CALD1: variants seen among roughly 807,000 people sequenced by gnomAD.
The protein encoded by CALD1 is caldesmon 1, also known as caldesmon.
A neutral mutation model predicts 99.9 loss-of-function variants in CALD1; 33 were observed. The observed-to-expected ratio is 0.33, with a 90% CI of 0.25 to 0.44. CALD1 has a LOEUF of 0.44. Ranked by LOEUF, CALD1 falls within the 20% of genes least tolerant of loss-of-function variation. The probability of loss-of-function intolerance (pLI) is 1.00; values close to 1 mark genes in which losing one functional copy is unlikely to be tolerated. For synonymous variants in CALD1, 310 were observed against 325.0 expected, an observed-to-expected ratio of 0.95 and a Z score of 0.50; for missense variants, 861 against 962.1, an observed-to-expected ratio of 0.89 and a Z score of 1.39.
intron 2 of CALD1, among the ~76,000 whole-genome samples, chr7:134,855,626 G>A (rs553295154): frequency 1.6e-4 from 24 of 152,268 alleles, no homozygotes; most frequent in Non-Finnish European, 2.8e-4. Context: ...ATATACTTTT[G>A]GTAGGCCACA....
At position 134,783,385 on chromosome 7, in the gene CALD1, T is replaced by G. The variant is rs1236534309; in HGVS notation, c.-130+3636T>G. Reference sequence around the variant, plus strand: ...ACATTGACAATTTGCAGGGGCCAGCTCTAAGATGAGGCCCAGAGTACAGCA... The same window carrying G: ...ACATTGACAATTTGCAGGGGCCAGCGCTAAGATGAGGCCCAGAGTACAGCA... On this transcript the variant is annotated intron_variant, in intron 1 of 14. Coordinates refer to ENST00000361675, the MANE Select transcript of CALD1 (RefSeq NM_033138.4). This position sits in a 1 kb window ranked among gnomAD's most constrained non-coding sequence, Gnocchi z 4.3. 1.3e-5 allele frequency among the ~76,000 whole-genome samples: 2 copies of G among 152,148 alleles called. No individual in the cohort carries two copies. Among genetic ancestry groups the G allele is most frequent in the Admixed American group, 1.3e-4 (2 of 15,282 alleles).
chr7:134,922,925 A>T (rs7809057), intron 3 of CALD1, among the ~76,000 whole-genome samples: 1 of 151,910 alleles, frequency 6.6e-6, no homozygotes, highest in Non-Finnish European at 1.5e-5. Flanking sequence ...TTGCATATAT[A>T]TTTTTTTCTT....
intron 1 of CALD1, among the ~76,000 whole-genome samples, chr7:134,825,872 G>A (rs537964639): frequency 1.3e-5 from 2 of 152,074 alleles, no homozygotes; most frequent in South Asian, 2.1e-4. Context: ...TGGGTATGCC[G>A]GGGAGAAATA....
rs559607001 is a variant in CALD1, at chr7:134,891,390, G to C, written c.71+23586G>C. 222 of 1,268,232 alleles carry C rather than the reference G, an allele frequency of 1.8e-4. 1 individual carries two copies. In the African/African-American group the frequency reaches 2.8e-3, roughly 16 times the overall value. 78.6% of individuals were successfully genotyped at this position (1,268,232 alleles called of 1,614,324 possible). ...TAACAATCAGCTCTCTGATGATCCTGTGAGGAGGGAACGGGTTGGGAGGAG... is the reference window on the plus strand; with the variant it reads ...TAACAATCAGCTCTCTGATGATCCTCTGAGGAGGGAACGGGTTGGGAGGAG... On this transcript the variant is annotated intron_variant, in intron 3 of 14. Coordinates refer to ENST00000361675, the MANE Select transcript of CALD1 (RefSeq NM_033138.4).
rs1310091087 is a variant in CALD1, at chr7:134,894,811, G to A, written c.71+27007G>A. Reference sequence around the variant, plus strand: ...TCACTTGCGGTTTAATATTTTCACTGGTACTTTTATCATTTTCCCAAAGCC... The same window carrying A: ...TCACTTGCGGTTTAATATTTTCACTAGTACTTTTATCATTTTCCCAAAGCC... On this transcript the variant is annotated intron_variant, in intron 3 of 14. Coordinates refer to ENST00000361675, the MANE Select transcript of CALD1 (RefSeq NM_033138.4). 3.3e-5 allele frequency among the ~76,000 whole-genome samples: 5 copies of A among 152,198 alleles called. No homozygotes were observed. In the East Asian group the frequency reaches 9.6e-4, roughly 29 times the overall value.
intron 1 of CALD1, among the ~76,000 whole-genome samples, chr7:134,829,420 T>C (rs75580596): frequency 0.011 from 1,750 of 152,366 alleles, 30 homozygotes; most frequent in African/African-American, 0.039. Flanking sequence ...AATTATTTAG[T>C]ACTATTCCAA....
intron 6 of CALD1, among the ~76,000 whole-genome samples, chr7:134,940,788 G>C (rs767892367): frequency 6.6e-6 from 1 of 152,158 alleles, no homozygotes; most frequent in Non-Finnish European, 1.5e-5. Context: ...ACTTTTACAT[G>C]AAGTTCCCAG....
At chr7:134,872,566 C>A (rs1184452125) in intron 3 of CALD1, among the ~76,000 whole-genome samples, 2 of 152,046 alleles carry the variant, frequency 1.3e-5, no homozygotes, top group Non-Finnish European at 2.9e-5. Flanking sequence ...CTACAAAATG[C>A]AAGATACTAT....
At chr7:134,967,193 C>A (rs1308592086) in intron 14 of CALD1, among the ~76,000 whole-genome samples, 1 of 152,194 alleles carries the variant, frequency 6.6e-6, no homozygotes, top group African/African-American at 2.4e-5. Context: ...ATGAATGGTA[C>A]TCCCTGGAGT....
At chr7:134,723,849 A>G in the CALD1 span, among the ~76,000 whole-genome samples, 1 of 152,166 alleles carries the variant, frequency 6.6e-6, no homozygotes, top group Non-Finnish European at 1.5e-5. Context: ...GTTGGACAAA[A>G]TCATGTTGGA....
rs538982746 is a variant in CALD1, at chr7:134,783,160, C to A, written c.-130+3411C>A. Reference sequence around the variant, plus strand: ...GTAGGAAGGGCAAGGAAGGCAGGAACACCTGGCTGTGGTTCCTGTTGGTAT... The same window carrying A: ...GTAGGAAGGGCAAGGAAGGCAGGAAAACCTGGCTGTGGTTCCTGTTGGTAT... On this transcript the variant is annotated intron_variant, in intron 1 of 14. Transcript: ENST00000361675. The surrounding 1 kb of genome is among the most constrained non-coding windows in gnomAD (Gnocchi z 4.3). Among the ~76,000 whole-genome samples the A allele has an allele frequency of 5.9e-5, 9 of 152,338 alleles. No individual in the cohort carries two copies. The East Asian group carries it at 1.7e-3, about 29-fold the overall frequency.
At chr7:134,898,925 A>G (rs1802775073) in intron 3 of CALD1, among the ~76,000 whole-genome samples, 1 of 152,186 alleles carries the variant, frequency 6.6e-6, no homozygotes, top group South Asian at 2.1e-4. Flanking sequence ...ACCTATTTGT[A>G]AAGGAGCGTG....
chr7:134,841,189 G>C (rs764234050), intron 1 of CALD1, among the ~76,000 whole-genome samples: 15 of 152,138 alleles, frequency 9.9e-5, no homozygotes, highest in Non-Finnish European at 1.6e-4. Flanking sequence ...AAGAAATTGA[G>C]TGGTTAAATG....
In CALD1 at chr7:134,933,475, G is replaced by A. The variant is rs1426278025; in HGVS notation, c.706G>A (p.Glu236Lys). ...ATTAAAAAATGGGCAGATCAGTTCA[G>A]AAGAGCCTAAACAAGAGGAGGAGAG... ...MSLKNGQISS[E>K]EPKQEEEREQ... is the part of the protein sequence containing the mutation. Residue 236 changes from glutamate to lysine, a missense_variant, in exon 5 of 15, where the codon GAA becomes AAA. Glu to Lys is a moderately conservative substitution (Grantham distance 56). Around this residue, in one of 5 missense-constraint regions of CALD1, gnomAD observed 234 missense variants for 233.1 expected, o/e 1.00. Coordinates refer to ENST00000361675, the MANE Select transcript of CALD1 (RefSeq NM_033138.4). 1.9e-6 allele frequency: 3 copies of A among 1,614,026 alleles called. No individual in the cohort carries two copies. In the Admixed American group the frequency reaches 5.0e-5, roughly 27 times the overall value.
intron 1 of CALD1, among the ~76,000 whole-genome samples, chr7:134,819,931 A>G (rs1798708640): frequency 6.6e-6 from 1 of 152,212 alleles, no homozygotes; most frequent in South Asian, 2.1e-4. Context: ...TAAGAAAACA[A>G]TGAAGATAGC....
chr7:134,842,620 T>C (rs1246773061), intron 1 of CALD1, among the ~76,000 whole-genome samples: 1 of 152,228 alleles, frequency 6.6e-6, no homozygotes, highest in Non-Finnish European at 1.5e-5. Flanking sequence ...ATTTAACCTT[T>C]GCAATGATTC....
At chr7:134,848,935 C>T (rs1443023556) in intron 2 of CALD1, among the ~76,000 whole-genome samples, 2 of 152,178 alleles carry the variant, frequency 1.3e-5, no homozygotes, top group Non-Finnish European at 2.9e-5. Context: ...ATTCATTCTA[C>T]AGATATCACT....
rs540759302 is a variant in CALD1 at position 134,943,534 on chromosome 7, T to C, written c.1532+2297T>C. Among the ~76,000 whole-genome samples, 751 of 152,356 alleles carry C rather than the reference T, an allele frequency of 4.9e-3. 7 individuals are homozygous for C. Among genetic ancestry groups the C allele is most frequent in the African/African-American group, 0.017 (705 of 41,584 alleles). ...AAATCTCAATTCAATGAGCAAGATA[T>C]AGCGATGCAAATTATACCAAGGGTT... is the stretch of plus-strand genomic sequence containing the variant. On this transcript the variant is annotated intron_variant, in intron 7 of 14. Coordinates refer to ENST00000361675, the MANE Select transcript of CALD1 (RefSeq NM_033138.4).
chr7:134,942,812 T>C (rs1806553587), intron 7 of CALD1, among the ~76,000 whole-genome samples: 1 of 152,206 alleles, frequency 6.6e-6, no homozygotes, highest in Admixed American at 6.5e-5. Context: ...AATCTGTCAG[T>C]AGAAAAAAGT....
Sources: allele counts gnomAD v4.1 joint callset (sites outside exome capture counted in the v4.1 genomes callset), GRCh38; gene constraint gnomAD v4.1.1; regional missense constraint gnomAD v4.1.1; non-coding constraint Gnocchi (gnomAD v3.1); transcripts MANE v1.5; gene names NCBI Gene and HGNC (gene_info 2026-07-23, HGNC 2026-07-21).